MALRD1: variants seen among roughly 807,000 people sequenced by gnomAD.
The protein encoded by MALRD1 is MAM and LDL receptor class A domain containing 1, also known as MAM and LDL-receptor class A domain-containing protein 1.
In MALRD1, 247 loss-of-function variants were observed where a neutral mutation model predicts 242.1. The ratio of observed to expected loss-of-function variants is 1.02; its 90% CI spans 0.92 to 1.13. The LOEUF is 1.13. MALRD1 is among the 50% of genes most tolerant of loss of function. The pLI, the probability that MALRD1 is intolerant of heterozygous loss-of-function variation, is 0.00. For synonymous variants in MALRD1, 995 were observed against 866.6 expected (o/e 1.15, Z -2.60); for missense variants, 2,989 against 2,533.1 (o/e 1.18, Z -3.86).
At chr10:19,549,729 G>C (rs931917515) in intron 32 of MALRD1, among the ~76,000 whole-genome samples, 1 of 152,152 alleles carries the variant, frequency 6.6e-6, no homozygotes, top group African/African-American at 2.4e-5. Context: ...GTCTGGAACT[G>C]AACCTGCAAT....
intron 21 of MALRD1, among the ~76,000 whole-genome samples, chr10:19,308,722 A>G (rs1842319008): frequency 1.3e-5 from 2 of 151,492 alleles, no homozygotes; most frequent in South Asian, 4.1e-4. Flanking sequence ...CATTTCTCCT[A>G]TTACGTTGTG....
intron 26 of MALRD1, among the ~76,000 whole-genome samples, chr10:19,369,012 C>A (rs1366052591): frequency 2.0e-5 from 3 of 147,192 alleles, no homozygotes; most frequent in African/African-American, 7.4e-5. Flanking sequence ...ATCTGTAACT[C>A]AATGTTAAAC....
chr10:19,326,610 A>G (rs1467076304), intron 22 of MALRD1, among the ~76,000 whole-genome samples: 2 of 151,990 alleles, frequency 1.3e-5, no homozygotes, highest in Non-Finnish European at 2.9e-5. Flanking sequence ...AATGTTCCAA[A>G]TTAATTTGAA....
At chr10:19,717,456 T>A (rs1168682996) in intron 38 of MALRD1, among the ~76,000 whole-genome samples, 1 of 152,218 alleles carries the variant, frequency 6.6e-6, no homozygotes, top group African/African-American at 2.4e-5. Flanking sequence ...TAAGAACTAG[T>A]GCTAAGATAC....
intron 5 of MALRD1, among the ~76,000 whole-genome samples, chr10:19,114,715 T>C (rs1229135070): frequency 6.6e-6 from 1 of 152,192 alleles, no homozygotes; most frequent in African/African-American, 2.4e-5. Flanking sequence ...GCTAGTATAT[T>C]AGTCTATTAT....
At chr10:19,473,749 C>T (rs1836606530) in intron 29 of MALRD1, among the ~76,000 whole-genome samples, 1 of 151,984 alleles carries the variant, frequency 6.6e-6, no homozygotes, top group Non-Finnish European at 1.5e-5. Flanking sequence ...ATTACTTTTG[C>T]CTTTTGACTA....
intron 13 of MALRD1, among the ~76,000 whole-genome samples, chr10:19,168,368 C>T (rs775951011): frequency 1.3e-5 from 2 of 152,076 alleles, no homozygotes; most frequent in Non-Finnish European, 2.9e-5. Context: ...TGTTTTCATT[C>T]GGTTTGCTTT....
chr10:19,429,745 C>A lies in MALRD1; in HGVS notation c.4846-20562C>A, dbSNP rs147581682. ...CTAATTTCTAGTTCTTGATATTGAT[C>A]TCATATTGATCAGTTCCATTAATGA... On this transcript the variant is annotated intron_variant, in intron 28 of 39. Transcript: ENST00000454679. Among the ~76,000 whole-genome samples the A allele has an allele frequency of 1.8e-3, 270 of 152,228 alleles. 1 individual carries two copies. Among genetic ancestry groups the A allele is most frequent in the African/African-American group, 6.4e-3 (265 of 41,548 alleles).
intron 2 of MALRD1, among the ~76,000 whole-genome samples, chr10:19,086,077 G>A (rs1288532458): frequency 6.6e-6 from 1 of 151,916 alleles, no homozygotes; most frequent in East Asian, 1.9e-4. Flanking sequence ...TCTAAATTGT[G>A]TTTACATAAT....
chr10:19,393,213 T>C (rs1846411838), intron 28 of MALRD1, among the ~76,000 whole-genome samples: 1 of 152,124 alleles, frequency 6.6e-6, no homozygotes. Context: ...GGCATCCTTA[T>C]TTTTGCTAAT....
At chr10:19,710,336 A>G (rs1834050882) in intron 38 of MALRD1, 1 of 152,208 alleles carries the variant, frequency 6.6e-6, no homozygotes, top group Non-Finnish European at 1.5e-5. Context: ...CCTTTTTAAA[A>G]AAGTAATAAT....
At chr10:19,049,861 T>C (rs1407561555) in intron 1 of MALRD1, among the ~76,000 whole-genome samples, 2 of 152,210 alleles carry the variant, frequency 1.3e-5, no homozygotes, top group Non-Finnish European at 2.9e-5. Flanking sequence ...TGTAATGACA[T>C]GTACGTTCCT....
At chr10:19,203,976 C>A (rs763190170) in intron 15 of MALRD1, 96 bp downstream of exon 15, 3 of 1,377,678 alleles carry the variant, frequency 2.2e-6, no homozygotes, top group Non-Finnish European at 1.0e-6. Flanking sequence ...GTGATAACTA[C>A]AACAAACAGT....
At chr10:19,582,567 G>C (rs1837184996) in intron 33 of MALRD1, among the ~76,000 whole-genome samples, 1 of 138,014 alleles carries the variant, frequency 7.2e-6, no homozygotes, top group African/African-American at 2.6e-5. Flanking sequence ...GCTCTGTTCT[G>C]TTCCATTGAT....
chr10:19,714,238 T>C (rs1834273661), intron 38 of MALRD1, among the ~76,000 whole-genome samples: 1 of 151,992 alleles, frequency 6.6e-6, no homozygotes, highest in Non-Finnish European at 1.5e-5. Context: ...TATTGAGTGG[T>C]GGTAGCTCTC....
In MALRD1 at chr10:19,171,800, G is replaced by GTA. The variant is rs1041319093; in HGVS notation, c.1831-3400_1831-3399dup. Among the ~76,000 whole-genome samples, 24 of 139,610 alleles carry GTA rather than the reference G, an allele frequency of 1.7e-4. 1 individual carries two copies. Among genetic ancestry groups the GTA allele is most frequent in the Non-Finnish European group, 2.6e-4 (17 of 65,086 alleles). The allele number at this position is 139,610 out of a possible 152,430, so 91.6% of individuals were successfully genotyped here. On this transcript the variant is annotated intron_variant, in intron 13 of 39. Transcript: ENST00000454679. Reference sequence around the variant, plus strand: ...ATATATATCATATATACATATATGTGTATATATATCAGTTTGGTTATATAT... The same window carrying GTA: ...ATATATATCATATATACATATATGTGTATATATATATCAGTTTGGTTATATAT...
intron 2 of MALRD1, among the ~76,000 whole-genome samples, chr10:19,085,709 AT>A (rs1835647287): frequency 6.6e-6 from 1 of 152,014 alleles, no homozygotes; most frequent in African/African-American, 2.4e-5. Context: ...GAGTTGAAAA[AT>A]ATCACTGAAA....
At chr10:19,123,150 G>C (rs1312783025) in intron 5 of MALRD1, among the ~76,000 whole-genome samples, 1 of 152,210 alleles carries the variant, frequency 6.6e-6, no homozygotes, top group Non-Finnish European at 1.5e-5. Flanking sequence ...CCTTCAAATA[G>C]TAGACTCTGA....
intron 18 of MALRD1, among the ~76,000 whole-genome samples, chr10:19,228,863 C>T (rs1837912077): frequency 1.3e-5 from 2 of 151,906 alleles, no homozygotes; most frequent in Non-Finnish European, 2.9e-5. Context: ...TTCAAAAAGG[C>T]ACGTAGTTTT....
Sources: allele counts gnomAD v4.1 joint callset (sites outside exome capture counted in the v4.1 genomes callset), GRCh38; gene constraint gnomAD v4.1.1; transcripts MANE v1.5; gene names NCBI Gene and HGNC (gene_info 2026-07-23, HGNC 2026-07-21).